HLCS: variants seen among roughly 807,000 people sequenced by gnomAD.
HLCS encodes the protein biotin--protein ligase.
In HLCS, 53 loss-of-function variants were observed where a neutral mutation model predicts 75.0. The observed-to-expected ratio is 0.71, with a 90% CI of 0.57 to 0.89. The LOEUF (loss-of-function observed/expected upper bound fraction) is 0.89, where lower values mean the gene tolerates loss of function less well. Ranked by LOEUF, HLCS falls within the 40% of genes least tolerant of loss-of-function variation. The pLI is 0.00. For synonymous variants in HLCS, 431 were observed against 428.6 expected (o/e 1.01, Z -0.07); for missense variants, 966 against 1,074.0 (o/e 0.90, Z 1.41).
chr21:36,909,138 A>T (rs1321980903), intron 5 of HLCS, among the ~76,000 whole-genome samples: 1 of 152,152 alleles, frequency 6.6e-6, no homozygotes, highest in East Asian at 1.9e-4. Context: ...CGGAGTTTGC[A>T]GTGAGCCTAG....
chr21:36,877,199 A>G (rs556158542), intron 6 of HLCS, among the ~76,000 whole-genome samples: 8 of 152,094 alleles, frequency 5.3e-5, no homozygotes, highest in African/African-American at 1.9e-4. Context: ...CCATTCTAAC[A>G]TTTTCTGCCT....
chr21:36,757,926 G>T (rs775988055), intron 9 of HLCS, among the ~76,000 whole-genome samples: 2 of 152,094 alleles, frequency 1.3e-5, no homozygotes, highest in Non-Finnish European at 1.5e-5. Flanking sequence ...TTCCTAGGAG[G>T]AGTAGCAACA....
At chr21:36,888,623 T>C (rs2064634045) in intron 6 of HLCS, among the ~76,000 whole-genome samples, 1 of 151,256 alleles carries the variant, frequency 6.6e-6, no homozygotes, top group Admixed American at 6.6e-5. Flanking sequence ...CTCAGCAACC[T>C]AAAAGCGCCA....
At chr21:36,834,334 T>C (rs1238213993) in intron 6 of HLCS, among the ~76,000 whole-genome samples, 2 of 151,892 alleles carry the variant, frequency 1.3e-5, no homozygotes, top group Non-Finnish European at 2.9e-5. Context: ...TCTGTGGGAG[T>C]GTGCATGAGG....
At chr21:36,890,343 A>G (rs2064725362) in intron 6 of HLCS, among the ~76,000 whole-genome samples, 1 of 152,226 alleles carries the variant, frequency 6.6e-6, no homozygotes, top group Admixed American at 6.5e-5. Context: ...AAATGACTGG[A>G]GCCCAGGATA....
chr21:36,820,363 AGCCACG>A (rs1337711066), intron 6 of HLCS, among the ~76,000 whole-genome samples: 1 of 152,022 alleles, frequency 6.6e-6, no homozygotes, highest in African/African-American at 2.4e-5. Flanking sequence ...GCTGCTGCCC[AGCCACG>A]GCCGGGCCGC....
intron 5 of HLCS, among the ~76,000 whole-genome samples, chr21:36,918,367 G>A (rs1420050920): frequency 6.6e-6 from 1 of 152,216 alleles, no homozygotes; most frequent in Non-Finnish European, 1.5e-5. Flanking sequence ...GGAATGATCA[G>A]AGGCTGACAG....
At chr21:36,824,168 T>A (rs565505957) in intron 6 of HLCS, among the ~76,000 whole-genome samples, 6 of 152,164 alleles carry the variant, frequency 3.9e-5, no homozygotes, top group African/African-American at 1.4e-4. Flanking sequence ...CTATTCACAA[T>A]GGCAAAGACA....
intron 6 of HLCS, among the ~76,000 whole-genome samples, chr21:36,879,917 A>G (rs1219351818): frequency 1.5e-5 from 1 of 68,414 alleles, no homozygotes; most frequent in Non-Finnish European, 2.4e-5. Flanking sequence ...CTCTTAAAGA[A>G]AAAAAAAAAA....
At chr21:36,917,685 T>C (rs1340410358) in intron 5 of HLCS, among the ~76,000 whole-genome samples, 1 of 152,150 alleles carries the variant, frequency 6.6e-6, no homozygotes, top group Non-Finnish European at 1.5e-5. Flanking sequence ...CAAAATTTAC[T>C]GGTTGTAGAA....
chr21:36,756,740 A>C lies in HLCS; in HGVS notation c.2252T>G (p.Val751Gly). The C allele has an allele frequency of 6.2e-7, 1 of 1,614,166 alleles. No homozygotes were observed. The highest frequency in any genetic ancestry group is 8.5e-7 in the Non-Finnish European group (1 of 1,180,026). The stretch of plus-strand genomic sequence containing the variant: ...GCAGATGGTAGGGTTACTGTTAGTC[A>C]CATTAAATCCACAGCCTGGACAAAA... ...FYILIGCGFN[V>G]TNSNPTICIN... Residue 751 changes from valine to glycine, a missense_variant, in exon 10 of 11, where the codon GTG (valine) becomes GGG (glycine). Physicochemically the swap from Val to Gly is moderately radical, Grantham distance 109. Coordinates refer to ENST00000674895, the MANE Select transcript of HLCS (RefSeq NM_001352514.2).
intron 6 of HLCS, among the ~76,000 whole-genome samples, chr21:36,883,796 C>G (rs1425273752): frequency 6.6e-6 from 1 of 152,142 alleles, no homozygotes; most frequent in Non-Finnish European, 1.5e-5. Flanking sequence ...CTGACCTTCC[C>G]CACATGAATG....
At chr21:36,914,217 G>A (rs2065836332) in intron 5 of HLCS, among the ~76,000 whole-genome samples, 1 of 152,202 alleles carries the variant, frequency 6.6e-6, no homozygotes, top group African/African-American at 2.4e-5. Flanking sequence ...TGGGCTTGCT[G>A]GTTATGCGTC....
chr21:36,903,694 A>G (rs1028594063), intron 5 of HLCS, among the ~76,000 whole-genome samples: 15 of 152,232 alleles, frequency 9.9e-5, no homozygotes, highest in Admixed American at 9.8e-4. Flanking sequence ...TATGGTATAC[A>G]TCATTCATTT....
At chr21:36,856,725 T>A (rs987316530) in intron 6 of HLCS, among the ~76,000 whole-genome samples, 5 of 152,064 alleles carry the variant, frequency 3.3e-5, no homozygotes, top group African/African-American at 7.2e-5. Context: ...CCACCACCAA[T>A]AATCACCTAG....
At chr21:36,985,658 C>T (rs2069215048) in intron 1 of HLCS, among the ~76,000 whole-genome samples, 1 of 151,966 alleles carries the variant, frequency 6.6e-6, no homozygotes, top group South Asian at 2.1e-4. Context: ...CCCAGGTACT[C>T]AGGAGGCTGA....
chr21:36,912,112 A>T (rs1293695401), intron 5 of HLCS, among the ~76,000 whole-genome samples: 1 of 151,988 alleles, frequency 6.6e-6, no homozygotes, highest in East Asian at 1.9e-4. Flanking sequence ...TTAATACATG[A>T]TCCAGCAATT....
chr21:36,760,798 A>G (rs2089807644), intron 8 of HLCS, among the ~76,000 whole-genome samples: 1 of 152,138 alleles, frequency 6.6e-6, no homozygotes, highest in Non-Finnish European at 1.5e-5. Flanking sequence ...TACAGAATGG[A>G]CCAACACTGG....
At chr21:36,759,701 C>T (rs780004309) in intron 9 of HLCS, 26 bp downstream of exon 9, 2 of 1,288,972 alleles carry the variant, frequency 1.6e-6, no homozygotes, top group Non-Finnish European at 2.3e-6. Flanking sequence ...TCTAAAAATG[C>T]TGGGGGAAAG....
Sources: allele counts gnomAD v4.1 joint callset (sites outside exome capture counted in the v4.1 genomes callset), GRCh38; gene constraint gnomAD v4.1.1; transcripts MANE v1.5; gene names NCBI Gene and HGNC (gene_info 2026-07-23, HGNC 2026-07-21).